Variants in ZNF736 observed in about 807,000 individuals in gnomAD.
ZNF736 encodes the protein KRAB-containing zinc-finger repressor protein.
A neutral mutation model predicts 11.7 loss-of-function variants in ZNF736; 6 were observed. The ratio of observed to expected loss-of-function variants is 0.51; its 90% CI spans 0.28 to 1.01. The LOEUF is 1.01. ZNF736 is among the 50% of genes least tolerant of loss of function. The pLI, the probability that ZNF736 is intolerant of heterozygous loss-of-function variation, is 0.09. For missense variants in ZNF736, 444 were observed against 496.0 expected, an observed-to-expected ratio of 0.90 and a Z score of 1.00; for synonymous variants, 139 against 164.7, an observed-to-expected ratio of 0.84 and a Z score of 1.19.
rs57941272 is a variant in ZNF736 at position 64,340,792 on chromosome 7, T to C, written c.226+3810T>C. On this transcript the variant is annotated intron_variant, in intron 3 of 3. Transcript: ENST00000423484. ...CTTACCTTTGGTTCATGTTAGAAAG[T>C]CTTTATTGTTGTCTTATTTTTAAAG... Among the ~76,000 whole-genome samples the C allele has an allele frequency of 2.9e-3, 438 of 152,272 alleles. 3 individuals carry two copies. The highest frequency in any genetic ancestry group is 1.0e-2 in the African/African-American group (414 of 41,558).
intron 3 of ZNF736, among the ~76,000 whole-genome samples, chr7:64,337,627 A>T (rs537470545): frequency 3.0e-4 from 46 of 152,308 alleles, no homozygotes; most frequent in Admixed American, 1.4e-3. Context: ...AAATATGGCC[A>T]AATTCCTCAA....
intron 3 of ZNF736, among the ~76,000 whole-genome samples, chr7:64,340,556 T>C (rs686539): frequency 0.98 from 148,542 of 152,304 alleles, 72,514 homozygotes; most frequent in Non-Finnish European, 1. Context: ...AACCCTCTCC[T>C]TGAAAAACAA....
In ZNF736 at chr7:64,348,854, C is replaced by A. The variant is rs1562677544; in HGVS notation, c.991C>A (p.His331Asn). 2 of 1,603,860 alleles carry A rather than the reference C, an allele frequency of 1.2e-6. No homozygotes were observed. The highest frequency in any genetic ancestry group is 2.2e-5 in the South Asian group (2 of 90,002). ...AFKWFSALSKHKRIHTGEKPY... is the reference protein window; with the variant it reads ...AFKWFSALSKNKRIHTGEKPY... The stretch of plus-strand genomic sequence containing the variant: ...TAAGTGGTTCTCGGCCCTTAGTAAA[C>A]ATAAGAGAATTCATACTGGAGAGAA... Residue 331 changes from histidine to asparagine, a missense_variant, in exon 4 of 4, where the codon CAT (histidine) becomes AAT (asparagine). His to Asn is a moderately conservative substitution (Grantham distance 68, BLOSUM62 1). Transcript: ENST00000423484.
At chr7:64,345,589 C>T (rs915239745) in intron 3 of ZNF736, among the ~76,000 whole-genome samples, 1 of 151,402 alleles carries the variant, frequency 6.6e-6, no homozygotes, top group African/African-American at 2.4e-5. Context: ...ATTAGCTGGG[C>T]GTGGTGGTGC....
At chr7:64,326,449 T>C (rs1789084019) in intron 1 of ZNF736, among the ~76,000 whole-genome samples, 1 of 152,242 alleles carries the variant, frequency 6.6e-6, no homozygotes, top group African/African-American at 2.4e-5. Flanking sequence ...TCAAACACCA[T>C]GGGACCCTGA....
chr7:64,345,689 G>A (rs369953907), intron 3 of ZNF736, among the ~76,000 whole-genome samples: 138 of 128,624 alleles, frequency 1.1e-3, no homozygotes, highest in African/African-American at 3.8e-3. Flanking sequence ...AGCCGAGATC[G>A]TGCCACTGCA....
intron 1 of ZNF736, among the ~76,000 whole-genome samples, chr7:64,320,697 A>C (rs1215080129): frequency 1.3e-5 from 2 of 152,284 alleles, no homozygotes; most frequent in Middle Eastern, 3.4e-3. Flanking sequence ...TTGAACATTT[A>C]AAAGGTTTTT....
At chr7:64,324,494 C>CTCCT in intron 1 of ZNF736, among the ~76,000 whole-genome samples, 1 of 152,250 alleles carries the variant, frequency 6.6e-6, no homozygotes, top group Admixed American at 6.5e-5. Context: ...AGAGGGCAGA[C>CTCCT]TCCTCCCATT....
intron 3 of ZNF736, among the ~76,000 whole-genome samples, chr7:64,347,191 G>A (rs1584277171): frequency 8.3e-6 from 1 of 120,454 alleles, no homozygotes; most frequent in East Asian, 2.4e-4. Flanking sequence ...CTGAGCTTGT[G>A]TGTTTTTTAG....
intron 1 of ZNF736, among the ~76,000 whole-genome samples, chr7:64,316,201 A>T (rs1788915460): frequency 6.6e-6 from 1 of 152,234 alleles, no homozygotes; most frequent in Non-Finnish European, 1.5e-5. Flanking sequence ...AGCCTGAGGC[A>T]TTGGGTGGAG....
At chr7:64,319,333 G>GTGTA (rs1175526690) in intron 1 of ZNF736, among the ~76,000 whole-genome samples, 3 of 71,650 alleles carry the variant, frequency 4.2e-5, no homozygotes, top group East Asian at 6.7e-4. Flanking sequence ...GTGTGTATGT[G>GTGTA]TATATATATA....
Position 64,349,300 on chromosome 7 carries a change from T to G in ZNF736, c.*153T>G. 4.4e-6 allele frequency: 3 copies of G among 685,606 alleles called. No individual in the cohort carries two copies. Among genetic ancestry groups the G allele is most frequent in the Admixed American group, 6.4e-5 (2 of 31,150 alleles). 42.5% of individuals were successfully genotyped at this position (685,606 alleles called of 1,614,324 possible). On this transcript the variant is annotated 3_prime_UTR_variant, in exon 4 of 4. Coordinates refer to ENST00000423484, the MANE Select transcript of ZNF736 (RefSeq NM_001170905.3). Reference sequence around the variant, plus strand: ...TTACTTTATAATCTGGTTGCTTATATGTTGGGTACATATATAGCCCTTTGC... The same window carrying G: ...TTACTTTATAATCTGGTTGCTTATAGGTTGGGTACATATATAGCCCTTTGC...
At chr7:64,329,295 C>CT (rs1161442213) in intron 1 of ZNF736, among the ~76,000 whole-genome samples, 2 of 152,102 alleles carry the variant, frequency 1.3e-5, no homozygotes, top group East Asian at 3.9e-4. Flanking sequence ...CCTGAATAGT[C>CT]TTAATTTTTG....
intron 1 of ZNF736, among the ~76,000 whole-genome samples, chr7:64,319,313 GTA>G (rs1361658904): frequency 1.1e-4 from 11 of 96,574 alleles, no homozygotes; most frequent in Admixed American, 3.4e-4. Flanking sequence ...GTGTGTATAT[GTA>G]TGTGTGTGTG....
At chr7:64,326,455 C>G (rs1055619208) in intron 1 of ZNF736, among the ~76,000 whole-genome samples, 1 of 152,178 alleles carries the variant, frequency 6.6e-6, no homozygotes, top group Non-Finnish European at 1.5e-5. Flanking sequence ...ACCATGGGAC[C>G]CTGAATCCCA....
At position 64,349,276 on chromosome 7, in the gene ZNF736, T is replaced by TA. The variant is rs2115975178; in HGVS notation, c.*130dup. The TA allele has an allele frequency of 3.5e-6, 3 of 857,204 alleles. No individual in the cohort carries two copies. Among genetic ancestry groups the TA allele is most frequent in the Non-Finnish European group, 5.1e-6 (3 of 583,966 alleles). The allele number at this position is 857,204 out of a possible 1,614,324, so 53.1% of individuals were successfully genotyped here. ...TCATCTTAGAGGGTCTCTAAGAACT[T>TA]ACTTTATAATCTGGTTGCTTATATG... On this transcript the variant is annotated 3_prime_UTR_variant, in exon 4 of 4. Coordinates refer to ENST00000423484, the MANE Select transcript of ZNF736 (RefSeq NM_001170905.3).
rs759613939 is a variant in ZNF736, at chr7:64,349,022, C to G, written c.1159C>G (p.His387Asp). ...TFKCFSDLTN[H>D]KRIHTGEKPY... is the part of the protein sequence containing the mutation. Reference sequence around the variant, plus strand: ...TAAGTGCTTCTCAGACCTGACTAATCATAAGAGAATTCACACTGGAGAGAA... The same window carrying G: ...TAAGTGCTTCTCAGACCTGACTAATGATAAGAGAATTCACACTGGAGAGAA... The change falls in exon 4 of 4, where the codon CAT (histidine) becomes GAT (aspartate). Residue 387 changes from histidine to aspartate, a missense_variant. By Grantham distance (81) the His-to-Asp change is moderately conservative. Coordinates refer to ENST00000423484, the MANE Select transcript of ZNF736 (RefSeq NM_001170905.3). 1.9e-6 allele frequency: 3 copies of G among 1,601,976 alleles called. No individual in the cohort carries two copies. The highest frequency in any genetic ancestry group is 2.3e-5 in the East Asian group (1 of 44,160).
At chr7:64,344,241 G>A (rs914246391) in intron 3 of ZNF736, among the ~76,000 whole-genome samples, 1 of 152,218 alleles carries the variant, frequency 6.6e-6, no homozygotes, top group South Asian at 2.1e-4. Flanking sequence ...GGCAGAGGTT[G>A]CAGTGAGCCA....
intron 1 of ZNF736, among the ~76,000 whole-genome samples, chr7:64,332,511 A>G (rs554269946): frequency 6.6e-6 from 1 of 152,322 alleles, no homozygotes; most frequent in East Asian, 1.9e-4. Flanking sequence ...CAGAACTGAT[A>G]AGGGTCTGGG....
Sources: gnomAD v4.1 joint callset for allele counts (sites outside exome capture counted in the v4.1 genomes callset) on GRCh38, gnomAD v4.1.1 for gene constraint, MANE v1.5 for transcripts, NCBI Gene and HGNC (gene_info 2026-07-23, HGNC 2026-07-21) for gene names.